The following FADS6 variants were observed in gnomAD, a reference collection of about 807,000 sequenced individuals.
The protein encoded by FADS6 is fatty acid desaturase domain family, member 6.
A neutral mutation model predicts 31.7 loss-of-function variants in FADS6; 28 were observed. That is an observed-to-expected ratio of 0.88 (90% CI 0.66 to 1.21). The LOEUF (loss-of-function observed/expected upper bound fraction) is 1.21, where lower values mean the gene tolerates loss of function less well. Among genes scored for constraint, FADS6 ranks in the 50% most tolerant of loss-of-function variants. FADS6 has a pLI of 0.00. For missense variants in FADS6, 494 were observed against 504.2 expected (o/e 0.98, Z 0.19); for synonymous variants, 191 against 213.1 (o/e 0.90, Z 0.90).
At chr17:74,879,265 G>C (rs933275075) in intron 5 of FADS6, 139 bp downstream of exon 5, 31 of 1,081,362 alleles carry the variant, frequency 2.9e-5, no homozygotes, top group Non-Finnish European at 4.0e-5. Context: ...TCAAACTCCT[G>C]GGCTCAAGCA....
chr17:74,884,637 G>T (rs2038605109), intron 2 of FADS6, among the ~76,000 whole-genome samples: 1 of 152,184 alleles, frequency 6.6e-6, no homozygotes, highest in Non-Finnish European at 1.5e-5. Context: ...GGGGAAGAGG[G>T]AGCAGGCAGT....
At position 74,877,669 on chromosome 17, in the gene FADS6, GA is replaced by G. The variant is rs1213553240; in HGVS notation, c.*661del. 5.1e-6 allele frequency: 5 copies of G among 983,574 alleles called. No homozygotes were observed. Among genetic ancestry groups the G allele is most frequent in the African/African-American group, 1.7e-5 (1 of 57,152 alleles). 60.9% of individuals were successfully genotyped at this position (983,574 alleles called of 1,614,324 possible). A position where few individuals can be genotyped will look rare whatever the true frequency, so the allele number is the denominator to read the frequency against. On this transcript the variant is annotated 3_prime_UTR_variant, in exon 6 of 6. Transcript: ENST00000612771. ...CTCTTTCCCTAACTCTGTCCCTGGG[GA>G]ACCTTCTCCCCTCACTTCCCCTGGA...
Position 74,877,505 on chromosome 17 carries a change from T to C in FADS6, c.*826A>G, listed in dbSNP as rs1567923285. 2 of 171,264 alleles carry C rather than the reference T, an allele frequency of 1.2e-5. No homozygotes were observed. Among genetic ancestry groups the C allele is most frequent in the Non-Finnish European group, 2.3e-5 (2 of 85,696 alleles). 10.6% of individuals were successfully genotyped at this position (171,264 alleles called of 1,614,324 possible). A position where few individuals can be genotyped will look rare whatever the true frequency, so the allele number is the denominator to read the frequency against. ...TATGCCACCACATCCAGCTAATTTT[T>C]TGTATTTTTAGTAGAGACGGGGTTT... On this transcript the variant is annotated 3_prime_UTR_variant, in exon 6 of 6. Transcript: ENST00000612771.
chr17:74,884,432 C>G (rs932036162), intron 2 of FADS6, among the ~76,000 whole-genome samples: 2 of 152,140 alleles, frequency 1.3e-5, no homozygotes, highest in Non-Finnish European at 2.9e-5. Context: ...GTCTGAAATT[C>G]AAATTCATCA....
chr17:74,889,569 C>CA (rs2038665788), intron 2 of FADS6, among the ~76,000 whole-genome samples: 1 of 149,392 alleles, frequency 6.7e-6, no homozygotes. Flanking sequence ...AACAAACAAA[C>CA]CAAAAAAAAA....
intron 4 of FADS6, among the ~76,000 whole-genome samples, chr17:74,879,909 T>G (rs1567924712): frequency 1.3e-5 from 2 of 152,144 alleles, no homozygotes; most frequent in Non-Finnish European, 1.5e-5. Context: ...GGAGAGACCC[T>G]TCCTGCTCTG....
Position 74,878,012 on chromosome 17 carries a change from T to TAACCCTACCAAGGCTCAGATGG in FADS6, c.*297_*318dup. On this transcript the variant is annotated 3_prime_UTR_variant, in exon 6 of 6. Coordinates refer to ENST00000612771, the MANE Select transcript of FADS6 (RefSeq NM_178128.6). Reference sequence around the variant, plus strand: ...CCCTCTTCACCCTGTCACCTCCCTTTAACCCTACCAAGGCTCAGATGGAGC... The same window carrying TAACCCTACCAAGGCTCAGATGG: ...CCCTCTTCACCCTGTCACCTCCCTTTAACCCTACCAAGGCTCAGATGGAACCCTACCAAGGCTCAGATGGAGC... The TAACCCTACCAAGGCTCAGATGG allele has an allele frequency of 9.0e-7, 1 of 1,107,134 alleles. No individual in the cohort carries two copies. The highest frequency in any genetic ancestry group is 1.1e-6 in the Non-Finnish European group (1 of 906,732). 68.6% of individuals were successfully genotyped at this position (1,107,134 alleles called of 1,614,324 possible). A position where few individuals can be genotyped will look rare whatever the true frequency, so the allele number is the denominator to read the frequency against.
At chr17:74,885,624 C>T (rs763743721) in intron 2 of FADS6, among the ~76,000 whole-genome samples, 14 of 152,094 alleles carry the variant, frequency 9.2e-5, no homozygotes, top group Non-Finnish European at 2.1e-4. Flanking sequence ...ACCACTCCTG[C>T]ACCTCTTCCT....
At chr17:74,876,622 C>T (rs964829646), downstream of FADS6, among the ~76,000 whole-genome samples, 4 of 152,208 alleles carry the variant, frequency 2.6e-5, no homozygotes, top group African/African-American at 9.6e-5. Context: ...CATGGTGAAA[C>T]TCCGTCTCTA....
downstream of FADS6, among the ~76,000 whole-genome samples, chr17:74,876,192 A>G (rs1403782670): frequency 6.6e-6 from 1 of 152,202 alleles, no homozygotes; most frequent in Non-Finnish European, 1.5e-5. Context: ...AACAAGGCTC[A>G]GGGAATGCCT....
intron 2 of FADS6, among the ~76,000 whole-genome samples, chr17:74,891,343 A>G (rs775391820): frequency 1.3e-5 from 2 of 151,932 alleles, no homozygotes; most frequent in Non-Finnish European, 2.9e-5. Context: ...CAGCCTCAGT[A>G]CAGCTTTTTT....
At chr17:74,882,282 T>C (rs943987614) in intron 3 of FADS6, among the ~76,000 whole-genome samples, 7 of 152,148 alleles carry the variant, frequency 4.6e-5, no homozygotes, top group Admixed American at 2.6e-4. Context: ...TTTCACACCA[T>C]ACTTGAGGAG....
intron 2 of FADS6, among the ~76,000 whole-genome samples, chr17:74,886,793 C>T (rs1451691406): frequency 6.6e-6 from 1 of 152,144 alleles, no homozygotes; most frequent in Non-Finnish European, 1.5e-5. Context: ...GAGGGTCCCT[C>T]ATGCACTGTA....
chr17:74,888,170 G>GCA (rs1598561987), intron 2 of FADS6, among the ~76,000 whole-genome samples: 137 of 144,808 alleles, frequency 9.5e-4, no homozygotes, highest in Non-Finnish European at 4.2e-4. Context: ...GCGCGCGCGC[G>GCA]CGCAGAGTAC....
At position 74,887,036 on chromosome 17, in the gene FADS6, T is replaced by C. The variant is rs1351587481; in HGVS notation, c.412-4326A>G. Reference sequence around the variant, plus strand: ...CTCTACACACTAGATGCCAGTAGCATGCACACGCACACACACTCCAGTCTT... The same window carrying C: ...CTCTACACACTAGATGCCAGTAGCACGCACACGCACACACACTCCAGTCTT... On this transcript the variant is annotated intron_variant, in intron 2 of 5. Coordinates refer to ENST00000612771, the MANE Select transcript of FADS6 (RefSeq NM_178128.6). 4.0e-5 allele frequency among the ~76,000 whole-genome samples: 6 copies of C among 149,876 alleles called. No individual in the cohort carries two copies. In the East Asian group the frequency reaches 9.8e-4, roughly 24 times the overall value.
downstream of FADS6, among the ~76,000 whole-genome samples, chr17:74,876,047 G>A (rs1207185686): frequency 6.6e-6 from 1 of 152,202 alleles, no homozygotes; most frequent in Non-Finnish European, 1.5e-5. Flanking sequence ...CTGTAGCTAT[G>A]GAAAAGGGTG....
At chr17:74,885,062 G>A (rs898748101) in intron 2 of FADS6, among the ~76,000 whole-genome samples, 49 of 151,998 alleles carry the variant, frequency 3.2e-4, no homozygotes, top group African/African-American at 1.2e-3. Flanking sequence ...ACAACACCAA[G>A]GGGATACTGC....
rs184301091 is a variant in FADS6 at position 74,887,843 on chromosome 17, G to A, written c.411+4680C>T. Among the ~76,000 whole-genome samples the A allele has an allele frequency of 2.2e-3, 330 of 152,224 alleles. 1 individual carries two copies. The highest frequency in any genetic ancestry group is 7.6e-3 in the African/African-American group (316 of 41,558). On this transcript the variant is annotated intron_variant, in intron 2 of 5. Transcript: ENST00000612771. ...TGGGACTACAGGCGTGTGCCACCAC[G>A]CCCGGCTACCTTTTTTCATATTTTA...
intron 2 of FADS6, among the ~76,000 whole-genome samples, chr17:74,891,602 G>C (rs899007528): frequency 2.4e-4 from 37 of 152,128 alleles, no homozygotes; most frequent in Non-Finnish European, 1.0e-4. Context: ...CTTGTCTTCA[G>C]CACTTTGATG....
Sources: gnomAD v4.1 joint callset for allele counts (sites outside exome capture counted in the v4.1 genomes callset) on GRCh38, gnomAD v4.1.1 for gene constraint, MANE v1.5 for transcripts, NCBI Gene and HGNC (gene_info 2026-07-23, HGNC 2026-07-21) for gene names.